Variants in ULK4 observed in about 807,000 individuals in gnomAD.
ULK4 encodes the protein inactive serine/threonine-protein kinase ULK4.
ULK4 carries 133 observed loss-of-function variants against 160.6 expected under a neutral mutation model. That is an observed-to-expected ratio of 0.83 (90% CI 0.72 to 0.96). The LOEUF (loss-of-function observed/expected upper bound fraction) is 0.96, where lower values mean the gene tolerates loss of function less well. Among genes scored for constraint, ULK4 ranks in the 40% least tolerant of loss-of-function variants. The pLI, the probability that ULK4 is intolerant of heterozygous loss-of-function variation, is 0.00. For missense variants in ULK4, 1,580 were observed against 1,499.5 expected (o/e 1.05, Z -0.89); for synonymous variants, 534 against 539.8 (o/e 0.99, Z 0.15).
At chr3:41,876,883 A>G (rs1424978137) in intron 17 of ULK4, among the ~76,000 whole-genome samples, 5 of 152,206 alleles carry the variant, frequency 3.3e-5, no homozygotes, top group Admixed American at 6.5e-5. Context: ...GAGAGAGCAC[A>G]AGAGGATCCC....
intron 35 of ULK4, among the ~76,000 whole-genome samples, chr3:41,358,967 T>G (rs2081079243): frequency 6.6e-6 from 1 of 152,132 alleles, no homozygotes; most frequent in Admixed American, 6.6e-5. Context: ...ATGATCAGAT[T>G]CTTCACATAC....
chr3:41,887,056 G>A (rs575469083), intron 16 of ULK4, among the ~76,000 whole-genome samples: 1 of 152,056 alleles, frequency 6.6e-6, no homozygotes, highest in African/African-American at 2.4e-5. Flanking sequence ...TGAATCTATC[G>A]AACTCTACAC....
chr3:41,251,698 T>C (rs926425232), intron 35 of ULK4, among the ~76,000 whole-genome samples: 8 of 152,162 alleles, frequency 5.3e-5, no homozygotes, highest in Admixed American at 3.3e-4. Context: ...GCAGCAGTGG[T>C]AGTGGGGACA....
intron 21 of ULK4, among the ~76,000 whole-genome samples, chr3:41,769,831 A>G (rs1243473803): frequency 6.6e-6 from 1 of 152,222 alleles, no homozygotes; most frequent in Non-Finnish European, 1.5e-5. Context: ...ATTATCTCTT[A>G]CAAATCTCAA....
chr3:41,336,236 C>G (rs1028081852), intron 35 of ULK4, among the ~76,000 whole-genome samples: 7 of 152,206 alleles, frequency 4.6e-5, no homozygotes, highest in Admixed American at 6.5e-5. Context: ...GAAACTATCT[C>G]TGGAGAAAAA....
chr3:41,956,139 T>C (rs1199635213), intron 1 of ULK4, among the ~76,000 whole-genome samples: 1 of 152,198 alleles, frequency 6.6e-6, no homozygotes, highest in African/African-American at 2.4e-5. Context: ...ATCAGACTGA[T>C]TGGGGCGTAG....
At chr3:41,401,440 A>C (rs1391193002) in intron 34 of ULK4, among the ~76,000 whole-genome samples, 1 of 152,128 alleles carries the variant, frequency 6.6e-6, no homozygotes, top group African/African-American at 2.4e-5. Flanking sequence ...TGGTAACAAG[A>C]GAAAGGCAGA....
intron 35 of ULK4, among the ~76,000 whole-genome samples, chr3:41,358,394 A>G (rs1332281925): frequency 6.6e-6 from 1 of 152,222 alleles, no homozygotes; most frequent in Admixed American, 6.5e-5. Context: ...GCAAAACACA[A>G]TAAGAAAAGA....
chr3:41,686,501 ATATT>A (rs2036107046), intron 27 of ULK4, among the ~76,000 whole-genome samples: 1 of 152,190 alleles, frequency 6.6e-6, no homozygotes, highest in Non-Finnish European at 1.5e-5. Context: ...TGTGTGTAAG[ATATT>A]TAGAGTAACT....
At chr3:41,329,759 T>G (rs1206633600) in intron 35 of ULK4, among the ~76,000 whole-genome samples, 2 of 152,190 alleles carry the variant, frequency 1.3e-5, no homozygotes, top group Non-Finnish European at 1.5e-5. Context: ...AAGTTTTCAC[T>G]AATACAAGGT....
intron 35 of ULK4, among the ~76,000 whole-genome samples, chr3:41,375,405 C>T (rs955891763): frequency 2.0e-5 from 3 of 149,718 alleles, no homozygotes; most frequent in South Asian, 2.2e-4. Flanking sequence ...GAACCCAAAA[C>T]GGCATGGTAC....
intron 30 of ULK4, among the ~76,000 whole-genome samples, chr3:41,631,601 T>TA (rs2033745526): frequency 6.6e-6 from 1 of 152,186 alleles, no homozygotes; most frequent in East Asian, 1.9e-4. Flanking sequence ...GTAAACAGAA[T>TA]AGTTTTATGT....
At chr3:41,941,768 A>AAAAAAAAAAAAAAAAAAAAG (rs1699967439) in intron 2 of ULK4, among the ~76,000 whole-genome samples, 1 of 148,998 alleles carries the variant, frequency 6.7e-6, no homozygotes, top group Non-Finnish European at 1.5e-5. Context: ...AAAAAAAAAA[A>AAAAAAAAAAAAAAAAAAAAG]AAAAAAAAAA....
At chr3:41,598,097 A>G (rs1198371374) in intron 31 of ULK4, among the ~76,000 whole-genome samples, 2 of 152,312 alleles carry the variant, frequency 1.3e-5, no homozygotes, top group South Asian at 4.1e-4. Flanking sequence ...CCTAGTGAAC[A>G]TTAAAAGAAT....
At position 41,493,755 on chromosome 3, in the gene ULK4, C is replaced by T. The variant is rs1259484973; in HGVS notation, c.3227-30502G>A. On this transcript the variant is annotated intron_variant, in intron 32 of 36. Transcript: ENST00000301831. ...AAAATGATAAAGGGGATATCACCAC[C>T]GATCCCACAGAAATACAAACTACCA... is the stretch of plus-strand genomic sequence containing the variant. Among the ~76,000 whole-genome samples the T allele has an allele frequency of 1.8e-4, 27 of 149,306 alleles. No individual in the cohort carries two copies. In the South Asian group the frequency reaches 2.2e-3, roughly 12 times the overall value.
At chr3:41,733,374 C>T (rs1001452912) in intron 22 of ULK4, among the ~76,000 whole-genome samples, 9 of 152,064 alleles carry the variant, frequency 5.9e-5, no homozygotes, top group African/African-American at 2.2e-4. Context: ...GTTTGGAATA[C>T]TGTGTCAGAT....
chr3:41,555,453 A>G (rs956457677), intron 32 of ULK4, among the ~76,000 whole-genome samples: 1 of 152,218 alleles, frequency 6.6e-6, no homozygotes, highest in Non-Finnish European at 1.5e-5. Flanking sequence ...AGAGAAATGC[A>G]AATCAAACCA....
intron 34 of ULK4, among the ~76,000 whole-genome samples, chr3:41,436,220 G>A (rs1353218797): frequency 2.0e-5 from 3 of 152,144 alleles, no homozygotes; most frequent in African/African-American, 7.2e-5. Flanking sequence ...AGTGTTCTGA[G>A]CACATATAAG....
At chr3:41,345,038 A>G (rs560267530) in intron 35 of ULK4, among the ~76,000 whole-genome samples, 1 of 152,306 alleles carries the variant, frequency 6.6e-6, no homozygotes, top group Admixed American at 6.5e-5. Context: ...GCCCAACATC[A>G]CTGATCATTA....
Sources: gnomAD v4.1 joint callset for allele counts (sites outside exome capture counted in the v4.1 genomes callset) on GRCh38, gnomAD v4.1.1 for gene constraint, MANE v1.5 for transcripts, NCBI Gene and HGNC (gene_info 2026-07-23, HGNC 2026-07-21) for gene names.